The following DLGAP2 variants were observed in gnomAD, a reference collection of about 807,000 sequenced individuals.
The protein encoded by DLGAP2 is disks large-associated protein 2.
DLGAP2 carries 26 observed loss-of-function variants against 100.3 expected under a neutral mutation model. The observed-to-expected ratio is 0.26, with a 90% CI of 0.19 to 0.36. DLGAP2 has a LOEUF of 0.36. Among genes scored for constraint, DLGAP2 ranks in the 10% least tolerant of loss-of-function variants. The probability of loss-of-function intolerance (pLI) is 1.00; values close to 1 mark genes in which losing one functional copy is unlikely to be tolerated. For synonymous variants in DLGAP2, 886 were observed against 630.1 expected, an observed-to-expected ratio of 1.41 and a Z score of -6.08; for missense variants, 1,858 against 1,453.2, an observed-to-expected ratio of 1.28 and a Z score of -4.53.
chr8:1,629,741 TATCTC>T (rs781710803), intron 7 of DLGAP2, among the ~76,000 whole-genome samples: 3 of 152,250 alleles, frequency 2.0e-5, no homozygotes, highest in African/African-American at 7.2e-5. Context: ...AGTGCAAAGT[TATCTC>T]ATCCGAGGTG....
chr8:1,287,157 T>TGTGTGTGCGCGC (rs1315463950), intron 3 of DLGAP2, among the ~76,000 whole-genome samples: 3 of 99,438 alleles, frequency 3.0e-5, no homozygotes, highest in African/African-American at 9.7e-5. Context: ...TGTGTGTGTG[T>TGTGTGTGCGCGC]GCGCGCGCGC....
At chr8:1,322,776 C>A (rs969926548) in intron 3 of DLGAP2, among the ~76,000 whole-genome samples, 1 of 152,240 alleles carries the variant, frequency 6.6e-6, no homozygotes, top group Non-Finnish European at 1.5e-5. Flanking sequence ...GGCTCCTCCC[C>A]CCTGCATCAG....
intron 6 of DLGAP2, among the ~76,000 whole-genome samples, chr8:1,591,154 A>G (rs903576887): frequency 6.6e-6 from 1 of 152,216 alleles, no homozygotes; most frequent in African/African-American, 2.4e-5. Context: ...CTGTCCAGAC[A>G]GACCTGATGT....
intron 6 of DLGAP2, among the ~76,000 whole-genome samples, chr8:1,591,819 G>A (rs972910775): frequency 5.3e-5 from 8 of 152,244 alleles, no homozygotes; most frequent in Admixed American, 1.3e-4. Context: ...TGCCCTTCAC[G>A]TTTGTGGATT....
intron 3 of DLGAP2, among the ~76,000 whole-genome samples, chr8:1,282,377 C>G (rs1428455490): frequency 7.0e-6 from 1 of 142,960 alleles, no homozygotes; most frequent in Non-Finnish European, 1.5e-5. Context: ...CTGAACCCAG[C>G]ACCTGAAGCA....
intron 2 of DLGAP2, among the ~76,000 whole-genome samples, chr8:1,113,350 CCATT>C (rs1805019455): frequency 1.3e-5 from 2 of 152,124 alleles, no homozygotes; most frequent in African/African-American, 4.8e-5. Flanking sequence ...GAATATTTTT[CCATT>C]TGTGCATTCT....
chr8:1,564,372 T>C (rs535785225), intron 5 of DLGAP2, among the ~76,000 whole-genome samples: 1 of 152,286 alleles, frequency 6.6e-6, no homozygotes, highest in South Asian at 2.1e-4. Flanking sequence ...TGCACTGTCA[T>C]CTTCATGGTT....
At chr8:780,987 T>C (rs1287569836) in intron 1 of DLGAP2, among the ~76,000 whole-genome samples, 1 of 152,246 alleles carries the variant, frequency 6.6e-6, no homozygotes, top group East Asian at 1.9e-4. Context: ...TGAATTACAT[T>C]TCTCTCCATG....
intron 3 of DLGAP2, among the ~76,000 whole-genome samples, chr8:1,336,610 A>T (rs532668416): frequency 4.6e-5 from 7 of 152,336 alleles, no homozygotes; most frequent in African/African-American, 1.7e-4. Context: ...CCTGGACACC[A>T]GCAGCCTCTG....
rs192011208 is a variant in DLGAP2 at position 1,668,220 on chromosome 8, A to G, written c.1811-109A>G. On this transcript the variant is annotated intron_variant, in intron 8 of 14. Coordinates refer to ENST00000637795, the MANE Select transcript of DLGAP2 (RefSeq NM_001346810.2). ...CGCTATTTTTTTAGGCTAGACGTCC[A>G]GGAACAGACTTGCTCCGTCAACCAC... 8.8e-4 allele frequency: 912 copies of G among 1,040,220 alleles called. 5 individuals carry two copies. The African/African-American group carries it at 0.013, about 15-fold the overall frequency. 64.4% of individuals were successfully genotyped at this position (1,040,220 alleles called of 1,614,324 possible).
intron 2 of DLGAP2, among the ~76,000 whole-genome samples, chr8:1,212,053 G>A (rs1798116989): frequency 6.6e-6 from 1 of 152,214 alleles, no homozygotes; most frequent in Admixed American, 6.5e-5. Flanking sequence ...AGCAGAGTGG[G>A]CACACAATTA....
chr8:941,819 A>ATT (rs35770034), intron 2 of DLGAP2, among the ~76,000 whole-genome samples: 3 of 149,708 alleles, frequency 2.0e-5, no homozygotes, highest in Admixed American at 6.6e-5. Flanking sequence ...CACAAAATAC[A>ATT]TTTTTTTTTT....
intron 4 of DLGAP2, among the ~76,000 whole-genome samples, chr8:1,521,957 G>C (rs372329145): frequency 1.4e-5 from 2 of 139,100 alleles, no homozygotes; most frequent in East Asian, 4.2e-4. Flanking sequence ...TGGAATACTC[G>C]GCAGCTGATA....
chr8:1,091,368 G>A (rs1804175733), intron 2 of DLGAP2, among the ~76,000 whole-genome samples: 1 of 152,226 alleles, frequency 6.6e-6, no homozygotes, highest in Admixed American at 6.5e-5. Flanking sequence ...CGAAGGACAT[G>A]GGGGAGGCCA....
At chr8:1,216,028 T>C (rs962309814) in intron 2 of DLGAP2, among the ~76,000 whole-genome samples, 2 of 152,210 alleles carry the variant, frequency 1.3e-5, no homozygotes, top group African/African-American at 2.4e-5. Flanking sequence ...CATGCAGTGC[T>C]TGGGAGGAGC....
At chr8:1,354,126 T>C (rs1160568170) in intron 3 of DLGAP2, among the ~76,000 whole-genome samples, 1 of 152,210 alleles carries the variant, frequency 6.6e-6, no homozygotes, top group Non-Finnish European at 1.5e-5. Flanking sequence ...ATTGTAATTC[T>C]GGAAATTTAC....
intron 1 of DLGAP2, among the ~76,000 whole-genome samples, chr8:853,380 C>T (rs939297223): frequency 1.3e-5 from 2 of 152,228 alleles, no homozygotes; most frequent in African/African-American, 2.4e-5. Flanking sequence ...GTGAGAGACA[C>T]GGTGCCCAGG....
At chr8:1,600,708 G>A (rs890610486) in intron 6 of DLGAP2, among the ~76,000 whole-genome samples, 5 of 152,130 alleles carry the variant, frequency 3.3e-5, no homozygotes, top group African/African-American at 7.2e-5. Flanking sequence ...CTCATGCTGC[G>A]TTTTTCAGCT....
intron 1 of DLGAP2, among the ~76,000 whole-genome samples, chr8:750,867 T>G (rs1820772004): frequency 1.3e-5 from 2 of 152,266 alleles, no homozygotes; most frequent in South Asian, 4.1e-4. Flanking sequence ...AAATTTAGTT[T>G]CTGAAAAATG....
Sources: allele counts gnomAD v4.1 joint callset (sites outside exome capture counted in the v4.1 genomes callset), GRCh38; gene constraint gnomAD v4.1.1; transcripts MANE v1.5; gene names NCBI Gene and HGNC (gene_info 2026-07-23, HGNC 2026-07-21).